The following FSTL5 variants were observed in gnomAD, a reference collection of about 807,000 sequenced individuals.
FSTL5 encodes the protein follistatin like 5.
FSTL5 carries 62 observed loss-of-function variants against 89.1 expected under a neutral mutation model. That is an observed-to-expected ratio of 0.70 (90% CI 0.57 to 0.86). The LOEUF (loss-of-function observed/expected upper bound fraction) is 0.86. FSTL5 is among the 40% of genes least tolerant of loss of function. The pLI is 0.00. For missense variants in FSTL5, 1,057 were observed against 1,001.6 expected (o/e 1.06, Z -0.75); for synonymous variants, 383 against 346.2 (o/e 1.11, Z -1.18).
At chr4:161,957,141 G>C (rs1735047333) in intron 3 of FSTL5, among the ~76,000 whole-genome samples, 1 of 151,808 alleles carries the variant, frequency 6.6e-6, no homozygotes, top group African/African-American at 2.4e-5. Context: ...TAAAATGACA[G>C]CATTTATTTA....
chr4:161,414,753 T>G lies in FSTL5; in HGVS notation c.1842-28304A>C, dbSNP rs1468635532. Among the ~76,000 whole-genome samples, 6 of 152,218 alleles carry G rather than the reference T, an allele frequency of 3.9e-5. 1 individual carries two copies. Among genetic ancestry groups the G allele is most frequent in the Non-Finnish European group, 4.4e-5 (3 of 68,034 alleles). On this transcript the variant is annotated intron_variant, in intron 15 of 15. Transcript: ENST00000306100. ...GAAAAAAAATTAACAGACATTATTT[T>G]CTTTTTAAAACAATGATATGAATTC...
At chr4:161,802,189 C>T (rs13152153) in intron 4 of FSTL5, among the ~76,000 whole-genome samples, 111,916 of 151,460 alleles carry the variant, frequency 0.74, 41,376 homozygotes, top group Admixed American at 0.76. Flanking sequence ...ACTTATGTTG[C>T]TTCAGTTATG....
intron 7 of FSTL5, among the ~76,000 whole-genome samples, chr4:161,613,731 T>A (rs1336075435): frequency 6.6e-6 from 1 of 152,218 alleles, no homozygotes; most frequent in Non-Finnish European, 1.5e-5. Flanking sequence ...CTCAGCATCT[T>A]TTAAATTATG....
intron 6 of FSTL5, among the ~76,000 whole-genome samples, chr4:161,657,590 C>T (rs889074588): frequency 6.6e-6 from 1 of 151,974 alleles, no homozygotes; most frequent in East Asian, 1.9e-4. Context: ...GAGAAAGCCC[C>T]CTCCCTCCCT....
chr4:162,140,053 G>T (rs1732666033), intron 1 of FSTL5, among the ~76,000 whole-genome samples: 1 of 151,956 alleles, frequency 6.6e-6, no homozygotes, highest in Non-Finnish European at 1.5e-5. Context: ...ACTATTTTTA[G>T]GTAAATGCCA....
intron 6 of FSTL5, among the ~76,000 whole-genome samples, chr4:161,704,577 C>T (rs1473933970): frequency 6.6e-6 from 1 of 152,034 alleles, no homozygotes; most frequent in African/African-American, 2.4e-5. Flanking sequence ...CAAGAAAGGT[C>T]ATTCAATTTT....
At chr4:161,861,734 G>C (rs1731922950) in intron 4 of FSTL5, among the ~76,000 whole-genome samples, 1 of 152,176 alleles carries the variant, frequency 6.6e-6, no homozygotes. Flanking sequence ...GCAATCTTTG[G>C]AAGCCGCTTT....
Position 161,920,520 on chromosome 4 carries a change from T to A in FSTL5, c.293A>T (p.Lys98Ile), listed in dbSNP as rs1733964083. The A allele has an allele frequency of 1.2e-6, 2 of 1,614,098 alleles. No individual in the cohort carries two copies. The highest frequency in any genetic ancestry group is 1.7e-6 in the Non-Finnish European group (2 of 1,179,996). The change falls in exon 4 of 16, where the codon AAA becomes ATA. Residue 98 changes from lysine (K) to isoleucine (I), a missense_variant. Lys to Ile is a moderately radical substitution (Grantham distance 102). Coordinates refer to ENST00000306100, the MANE Select transcript of FSTL5 (RefSeq NM_020116.5). ...TTCTCCGTCAGATCCACACACAGGT[T>A]TGTAGTGACGTTTGCAAAGGTCCAT... ...ACMDLCKRHY[K>I]PVCGSDGEFY...
intron 4 of FSTL5, among the ~76,000 whole-genome samples, chr4:161,850,767 C>A (rs1731524047): frequency 6.6e-6 from 1 of 152,038 alleles, no homozygotes; most frequent in Non-Finnish European, 1.5e-5. Context: ...TGGAATCAAC[C>A]CAAATGCCCA....
chr4:161,896,387 C>T (rs1335883694), intron 4 of FSTL5, among the ~76,000 whole-genome samples: 1 of 152,088 alleles, frequency 6.6e-6, no homozygotes, highest in Non-Finnish European at 1.5e-5. Flanking sequence ...GTCATACTTT[C>T]CTTAATTTAC....
intron 8 of FSTL5, among the ~76,000 whole-genome samples, chr4:161,581,396 C>G (rs1485803551): frequency 6.6e-6 from 1 of 152,196 alleles, no homozygotes; most frequent in African/African-American, 2.4e-5. Flanking sequence ...TGAAGGAGAC[C>G]TCTTCCTGCT....
chr4:161,542,747 A>T, intron 8 of FSTL5, 54 bp from the exon 9 acceptor site: 1 of 1,238,476 alleles, frequency 8.1e-7, no homozygotes, highest in Non-Finnish European at 1.1e-6. Context: ...TTTCTATTTA[A>T]TTTTCCAAAA....
At chr4:161,519,540 C>A (rs1730955836) in intron 10 of FSTL5, among the ~76,000 whole-genome samples, 1 of 151,816 alleles carries the variant, frequency 6.6e-6, no homozygotes, top group Admixed American at 6.6e-5. Flanking sequence ...CAAAACAAAA[C>A]AAAACAAAAA....
At chr4:161,658,470 A>G (rs2126684229) in intron 6 of FSTL5, among the ~76,000 whole-genome samples, 1 of 152,194 alleles carries the variant, frequency 6.6e-6, no homozygotes, top group East Asian at 1.9e-4. Flanking sequence ...AAAAAAAAAA[A>G]ATAGGGAATA....
At position 161,759,490 on chromosome 4, in the gene FSTL5, A is replaced by G. The variant is rs1579072471; in HGVS notation, c.648T>C (p.Cys216=). The G allele has an allele frequency of 4.4e-6, 7 of 1,586,180 alleles. No homozygotes were observed. The highest frequency in any genetic ancestry group is 1.4e-5 in the African/African-American group (1 of 73,890). ...CATATTTCAATAGAACATACAAAGT[A>G]CAATCAAAGAGATCCTTGCCAAGTT... ...QEELGKDLFD[C]TLYVLLKYDD... Residue 216 remains cysteine, a synonymous_variant, in exon 6 of 16, where the codon TGT becomes TGC. Transcript: ENST00000306100.
At chr4:162,124,489 T>C (rs1269463155) in intron 1 of FSTL5, among the ~76,000 whole-genome samples, 1 of 152,178 alleles carries the variant, frequency 6.6e-6, no homozygotes, top group East Asian at 1.9e-4. Context: ...TAGTGAAGTG[T>C]ACCTCCCTTC....
intron 15 of FSTL5, among the ~76,000 whole-genome samples, chr4:161,416,613 G>A (rs569849140): frequency 1.3e-5 from 2 of 152,214 alleles, no homozygotes; most frequent in African/African-American, 4.8e-5. Flanking sequence ...GGGAGGCCCA[G>A]GTGGGGGGAT....
chr4:162,124,749 G>T (rs944044730), intron 1 of FSTL5, among the ~76,000 whole-genome samples: 3 of 152,068 alleles, frequency 2.0e-5, no homozygotes, highest in African/African-American at 7.2e-5. Context: ...GCCCAGGCTG[G>T]AGTGCAGTGG....
At chr4:162,030,064 A>G (rs1041824648) in intron 3 of FSTL5, among the ~76,000 whole-genome samples, 1 of 151,910 alleles carries the variant, frequency 6.6e-6, no homozygotes, top group African/African-American at 2.4e-5. Flanking sequence ...ACGCCTGGCT[A>G]ATTTTTTATT....
Sources: gnomAD v4.1 joint callset for allele counts (sites outside exome capture counted in the v4.1 genomes callset) on GRCh38, gnomAD v4.1.1 for gene constraint, MANE v1.5 for transcripts, NCBI Gene and HGNC (gene_info 2026-07-23, HGNC 2026-07-21) for gene names.